Variants in CMTM7 observed in about 807,000 individuals in gnomAD.
The protein encoded by CMTM7 is CKLF like MARVEL transmembrane domain containing 7.
Under a neutral mutation model 19.3 loss-of-function variants are expected in CMTM7, and 7 were observed. The observed-to-expected ratio is 0.36, with a 90% CI of 0.21 to 0.68. CMTM7 has a LOEUF of 0.68. CMTM7 is among the 30% of genes least tolerant of loss of function. The pLI is 0.60. For synonymous variants in CMTM7, 87 were observed against 99.3 expected (o/e 0.88, Z 0.74); for missense variants, 193 against 232.6 (o/e 0.83, Z 1.11).
chr3:32,444,461 C>T (rs1696725489), intron 2 of CMTM7, among the ~76,000 whole-genome samples: 1 of 152,188 alleles, frequency 6.6e-6, no homozygotes, highest in Non-Finnish European at 1.5e-5. Context: ...ATTACTGTAG[C>T]CTTGTAGTAA....
intron 1 of CMTM7, among the ~76,000 whole-genome samples, chr3:32,394,554 T>G (rs1695887438): frequency 6.6e-6 from 1 of 152,218 alleles, no homozygotes; most frequent in East Asian, 1.9e-4. Context: ...AATGAGTTTC[T>G]GAGTGAATGT....
At chr3:32,428,795 A>G (rs1696471617) in intron 1 of CMTM7, among the ~76,000 whole-genome samples, 2 of 152,142 alleles carry the variant, frequency 1.3e-5, no homozygotes, top group East Asian at 1.9e-4. Context: ...GGTTTCTTCT[A>G]TTCTTCACAG....
intron 1 of CMTM7, among the ~76,000 whole-genome samples, chr3:32,429,601 A>ATTT (rs1336943258): frequency 1.6e-5 from 2 of 126,684 alleles, no homozygotes; most frequent in African/African-American, 3.0e-5. Context: ...GGAGCAGTGT[A>ATTT]TTTTTTTTTT....
At chr3:32,402,622 G>T (rs1696027556) in intron 1 of CMTM7, among the ~76,000 whole-genome samples, 1 of 152,118 alleles carries the variant, frequency 6.6e-6, no homozygotes, top group Non-Finnish European at 1.5e-5. Flanking sequence ...GAGTGCAGTG[G>T]CATGATCTCG....
At chr3:32,433,183 A>G (rs1370491418) in intron 1 of CMTM7, among the ~76,000 whole-genome samples, 3 of 152,226 alleles carry the variant, frequency 2.0e-5, no homozygotes, top group Admixed American at 6.5e-5. Flanking sequence ...CAGGTTTGCT[A>G]CACAATAAGT....
chr3:32,429,702 G>A (rs1696486287), intron 1 of CMTM7, among the ~76,000 whole-genome samples: 2 of 150,922 alleles, frequency 1.3e-5, no homozygotes, highest in South Asian at 2.1e-4. Flanking sequence ...CCAGGTTGAC[G>A]CCATTCTCCT....
chr3:32,420,908 G>C (rs1244959740), intron 1 of CMTM7, among the ~76,000 whole-genome samples: 1 of 152,160 alleles, frequency 6.6e-6, no homozygotes, highest in African/African-American at 2.4e-5. Flanking sequence ...TGACCATGTT[G>C]TCAACAATCT....
intron 1 of CMTM7, among the ~76,000 whole-genome samples, chr3:32,439,468 T>G (rs1370285606): frequency 8.5e-5 from 13 of 152,218 alleles, no homozygotes; most frequent in Non-Finnish European, 5.9e-5. Context: ...TTTTTATTTT[T>G]TTAGAGACAG....
intron 1 of CMTM7, among the ~76,000 whole-genome samples, chr3:32,433,127 C>T (rs976286933): frequency 6.6e-6 from 1 of 152,190 alleles, no homozygotes; most frequent in African/African-American, 2.4e-5. Flanking sequence ...TTGTTGCAAA[C>T]CAAAATTTGT....
intron 1 of CMTM7, among the ~76,000 whole-genome samples, chr3:32,427,898 G>A (rs928856022): frequency 1.3e-5 from 2 of 152,194 alleles, no homozygotes; most frequent in African/African-American, 4.8e-5. Context: ...AGGATAGGAA[G>A]TCTCATTAGA....
In CMTM7 at chr3:32,454,221, A is replaced by T. The variant is rs1167750849; in HGVS notation, c.515-20A>T. On this transcript the variant is annotated intron_variant, in intron 4 of 4. Transcript: ENST00000334983. ...GCCACATCCCTGGCAAGCTGTCCTG[A>T]CTGCCATTTCCTTCCCAAGATGCAG... The T allele has an allele frequency of 6.3e-7, 1 of 1,591,008 alleles. No homozygotes were observed. Among genetic ancestry groups the T allele is most frequent in the Middle Eastern group, 1.7e-4 (1 of 5,964 alleles).
In CMTM7 at chr3:32,439,848, C is replaced by T. The variant is rs547611156; in HGVS notation, c.160-1992C>T. On this transcript the variant is annotated intron_variant, in intron 1 of 4. Transcript: ENST00000334983. Reference sequence around the variant, plus strand: ...CAGTAGTACTGTAGTTGAGGGGCCACATTTGGGGCTGGAGATGGGTAACTC... The same window carrying T: ...CAGTAGTACTGTAGTTGAGGGGCCATATTTGGGGCTGGAGATGGGTAACTC... Among the ~76,000 whole-genome samples, 38 of 152,328 alleles carry T rather than the reference C, an allele frequency of 2.5e-4. No individual in the cohort carries two copies. The South Asian group carries it at 5.2e-3, about 21-fold the overall frequency.
intron 1 of CMTM7, among the ~76,000 whole-genome samples, chr3:32,436,302 A>G (rs1028324150): frequency 3.3e-5 from 5 of 152,176 alleles, no homozygotes; most frequent in African/African-American, 9.7e-5. Flanking sequence ...GTGGGTGTCA[A>G]TGAGATTGCA....
chr3:32,440,085 A>G (rs1179778187), intron 1 of CMTM7, among the ~76,000 whole-genome samples: 1 of 37,890 alleles, frequency 2.6e-5, no homozygotes, highest in African/African-American at 9.2e-5. Flanking sequence ...ACACACACAC[A>G]CACACACACA....
chr3:32,443,226 G>A (rs544471418), intron 2 of CMTM7, among the ~76,000 whole-genome samples: 3 of 151,924 alleles, frequency 2.0e-5, no homozygotes, highest in South Asian at 4.2e-4. Flanking sequence ...AGCCTCCCGA[G>A]TAGCTGAGAC....
intron 1 of CMTM7, among the ~76,000 whole-genome samples, chr3:32,428,476 G>A (rs6786737): frequency 0.048 from 7,322 of 152,228 alleles, 589 homozygotes; most frequent in African/African-American, 0.17. Context: ...AGCCTCTAGA[G>A]AGCAGGAAGT....
At chr3:32,404,822 G>A (rs954323803) in intron 1 of CMTM7, among the ~76,000 whole-genome samples, 6 of 152,192 alleles carry the variant, frequency 3.9e-5, no homozygotes, top group Non-Finnish European at 7.3e-5. Flanking sequence ...CAAGGTGAAG[G>A]GATGTTACAG....
At position 32,428,289 on chromosome 3, in the gene CMTM7, T is replaced by C. The variant is rs181230514; in HGVS notation, c.160-13551T>C. On this transcript the variant is annotated intron_variant, in intron 1 of 4. Coordinates refer to ENST00000334983, the MANE Select transcript of CMTM7 (RefSeq NM_138410.4). ...TGCCAGAGGTGGCCAGAGTGCAGCC[T>C]CAGTCCTCCCTGCAGCCTCAGAGTC... 4.7e-3 allele frequency among the ~76,000 whole-genome samples: 721 copies of C among 152,288 alleles called. 4 individuals carry two copies. Among genetic ancestry groups the C allele is most frequent in the African/African-American group, 0.016 (674 of 41,572 alleles).
chr3:32,395,006 T>C (rs944100858), intron 1 of CMTM7, among the ~76,000 whole-genome samples: 1 of 151,924 alleles, frequency 6.6e-6, no homozygotes, highest in Non-Finnish European at 1.5e-5. Flanking sequence ...AAATGACTTT[T>C]TTTTTTTTGA....
Sources: allele counts gnomAD v4.1 joint callset (sites outside exome capture counted in the v4.1 genomes callset), GRCh38; gene constraint gnomAD v4.1.1; transcripts MANE v1.5; gene names NCBI Gene and HGNC (gene_info 2026-07-23, HGNC 2026-07-21).